DCAF8L2: variants seen among roughly 807,000 people sequenced by gnomAD.
The protein encoded by DCAF8L2 is DDB1 and CUL4 associated factor 8 like 2.
For missense variants in DCAF8L2, 430 were observed against 490.7 expected, an observed-to-expected ratio of 0.88 and a Z score of 1.17; for synonymous variants, 200 against 190.9, an observed-to-expected ratio of 1.05 and a Z score of -0.39.
the DCAF8L2 span, among the ~76,000 whole-genome samples, chrX:27,576,805 T>C: frequency 1.4e-4 from 16 of 112,342 alleles, no homozygotes; most frequent in South Asian, 3.7e-4. Context: ...AATGGCTTTA[T>C]ATAAAGAAAT....
At chrX:27,647,428 G>A (rs73530648) in intron 2 of DCAF8L2, among the ~76,000 whole-genome samples, 6,412 of 110,899 alleles carry the variant, frequency 0.058, 477 homozygotes, top group African/African-American at 0.2. Flanking sequence ...GAGGTGGGGA[G>A]AGCATTAGAG....
the DCAF8L2 span, among the ~76,000 whole-genome samples, chrX:27,558,352 C>G: frequency 3.6e-5 from 4 of 111,660 alleles, no homozygotes; most frequent in South Asian, 1.1e-3. Flanking sequence ...CAATGCCACT[C>G]TTGCTTTGTC....
At chrX:27,481,988 G>A in the DCAF8L2 span, among the ~76,000 whole-genome samples, 1 of 111,393 alleles carries the variant, frequency 9.0e-6, no homozygotes, top group Non-Finnish European at 1.9e-5. Context: ...TGCTTTCTTG[G>A]TAAGATAAGC....
At chrX:27,556,013 A>G in the DCAF8L2 span, among the ~76,000 whole-genome samples, 1 of 110,879 alleles carries the variant, frequency 9.0e-6, no homozygotes, top group Non-Finnish European at 1.9e-5. Flanking sequence ...ATCAGTGACT[A>G]TTGACCAGCT....
intron 3 of DCAF8L2, among the ~76,000 whole-genome samples, chrX:27,689,564 A>G (rs1018538305): frequency 8.9e-6 from 1 of 112,948 alleles, no homozygotes; most frequent in African/African-American, 3.2e-5. Flanking sequence ...ATATACGTAC[A>G]AGAATACATT....
chrX:27,566,959 G>A, the DCAF8L2 span, among the ~76,000 whole-genome samples: 22 of 110,856 alleles, frequency 2.0e-4, no homozygotes, highest in Non-Finnish European at 4.2e-4. Flanking sequence ...TTCAAATTCC[G>A]TTTTGATTTT....
At chrX:27,595,432 C>T (rs1323593386) in intron 1 of DCAF8L2, among the ~76,000 whole-genome samples, 2 of 111,429 alleles carry the variant, frequency 1.8e-5, no homozygotes, top group Non-Finnish European at 3.8e-5. Context: ...TTAGCCCTGA[C>T]CATCTCGAAT....
intron 1 of DCAF8L2, among the ~76,000 whole-genome samples, chrX:27,598,345 ACC>A (rs750658198): frequency 9.2e-6 from 1 of 108,167 alleles, no homozygotes; most frequent in African/African-American, 3.5e-5. Flanking sequence ...ATGTAATATA[ACC>A]CCCCCCACCC....
the DCAF8L2 span, among the ~76,000 whole-genome samples, chrX:27,560,453 T>C: frequency 9.0e-6 from 1 of 111,376 alleles, no homozygotes; most frequent in African/African-American, 3.3e-5. Context: ...TGGCTTTTTA[T>C]TCTCTTCCTT....
intron 1 of DCAF8L2, among the ~76,000 whole-genome samples, chrX:27,608,437 T>G (rs1685347367): frequency 8.9e-6 from 1 of 111,799 alleles, no homozygotes; most frequent in African/African-American, 3.2e-5. Flanking sequence ...GTAAATAATA[T>G]AATCTGGTGA....
upstream of DCAF8L2, among the ~76,000 whole-genome samples, chrX:27,589,675 G>A (rs1925990473): frequency 8.9e-6 from 1 of 111,993 alleles, no homozygotes; most frequent in African/African-American, 3.2e-5. Context: ...GAAGAAGATT[G>A]ATTTTGCAAG....
Position 27,595,011 on chromosome X carries a change from G to A in DCAF8L2, c.-342+4571G>A, listed in dbSNP as rs112542139. ...AAAATTTTTCTTCACTTGGCTTCCA[G>A]GACAACACTTTCTCTTGGTTTTCCT... On this transcript the variant is annotated intron_variant, in intron 1 of 4. Coordinates refer to ENST00000451261, the MANE Select transcript of DCAF8L2 (RefSeq NM_001353450.2). Among the ~76,000 whole-genome samples, 378 of 111,265 alleles carry A rather than the reference G, an allele frequency of 3.4e-3. 1 individual carries two copies. Among genetic ancestry groups the A allele is most frequent in the African/African-American group, 0.011 (340 of 30,690 alleles).
the DCAF8L2 span, among the ~76,000 whole-genome samples, chrX:27,487,782 T>G: frequency 8.9e-6 from 1 of 111,969 alleles, no homozygotes; most frequent in East Asian, 2.8e-4. Flanking sequence ...CAGTCACTTC[T>G]CCTTCACACT....
intron 2 of DCAF8L2, among the ~76,000 whole-genome samples, chrX:27,675,903 A>G (rs1027211407): frequency 8.9e-6 from 1 of 112,411 alleles, no homozygotes; most frequent in African/African-American, 3.2e-5. Context: ...GGTAGCACAG[A>G]AAGCAGAGTA....
chrX:27,662,645 C>T (rs955684507), intron 2 of DCAF8L2, among the ~76,000 whole-genome samples: 2 of 111,670 alleles, frequency 1.8e-5, no homozygotes, highest in African/African-American at 3.2e-5. Flanking sequence ...CATATCTCTT[C>T]GTGCACATGT....
chrX:27,693,426 A>G (rs183962907), intron 3 of DCAF8L2, among the ~76,000 whole-genome samples: 7 of 111,574 alleles, frequency 6.3e-5, no homozygotes, highest in African/African-American at 2.3e-4. Flanking sequence ...AGAATGATTC[A>G]GGTTTTCTCA....
chrX:27,517,201 T>G, the DCAF8L2 span, among the ~76,000 whole-genome samples: 6 of 112,019 alleles, frequency 5.4e-5, no homozygotes, highest in Non-Finnish European at 7.5e-5. Flanking sequence ...TCTTTTTCAT[T>G]ATTCATAAAC....
At chrX:27,486,518 T>C in the DCAF8L2 span, among the ~76,000 whole-genome samples, 1 of 111,983 alleles carries the variant, frequency 8.9e-6, no homozygotes, top group East Asian at 2.8e-4. Context: ...ATTATTTATA[T>C]ACCATAAATT....
chrX:27,519,943 T>C, the DCAF8L2 span, among the ~76,000 whole-genome samples: 1 of 111,985 alleles, frequency 8.9e-6, no homozygotes, highest in Non-Finnish European at 1.9e-5. Flanking sequence ...AAATGTAGGA[T>C]GCATTAAAAT....
Sources: allele counts gnomAD v4.1 joint callset (sites outside exome capture counted in the v4.1 genomes callset), GRCh38; gene constraint gnomAD v4.1.1; transcripts MANE v1.5; gene names NCBI Gene and HGNC (gene_info 2026-07-23, HGNC 2026-07-21).